The following UVRAG variants were observed in gnomAD, a reference collection of about 807,000 sequenced individuals.
UVRAG encodes UV radiation resistance-associated gene protein.
UVRAG carries 19 observed loss-of-function variants against 78.0 expected under a neutral mutation model. The observed-to-expected ratio is 0.24, with a 90% confidence interval of 0.17 to 0.36. The LOEUF (loss-of-function observed/expected upper bound fraction) is 0.36, where lower values mean the gene tolerates loss of function less well. UVRAG is among the 10% of genes least tolerant of loss of function. The pLI, the probability that UVRAG is intolerant of heterozygous loss-of-function variation, is 1.00. For missense variants in UVRAG, 740 were observed against 853.8 expected, an observed-to-expected ratio of 0.87 and a Z score of 1.66; for synonymous variants, 323 against 324.6, an observed-to-expected ratio of 1.00 and a Z score of 0.05.
At chr11:76,119,359 C>G (rs1393352321) in intron 14 of UVRAG, among the ~76,000 whole-genome samples, 1 of 152,080 alleles carries the variant, frequency 6.6e-6, no homozygotes, top group Non-Finnish European at 1.5e-5. Context: ...CGCCTCCTCT[C>G]TACCCTCTTC....
intron 13 of UVRAG, among the ~76,000 whole-genome samples, chr11:76,103,485 T>TATAGGC (rs1951914552): frequency 6.6e-6 from 1 of 152,118 alleles, no homozygotes; most frequent in Non-Finnish European, 1.5e-5. Context: ...TTATTTACAT[T>TATAGGC]ATTTGAAAAC....
At chr11:75,947,227 C>G in intron 6 of UVRAG, among the ~76,000 whole-genome samples, 1 of 152,186 alleles carries the variant, frequency 6.6e-6, no homozygotes, top group East Asian at 1.9e-4. Flanking sequence ...CCCAGCTAAT[C>G]TCCCTTTTGG....
intron 13 of UVRAG, among the ~76,000 whole-genome samples, chr11:76,078,023 A>G (rs1378421467): frequency 2.0e-5 from 3 of 152,242 alleles, no homozygotes; most frequent in Non-Finnish European, 4.4e-5. Flanking sequence ...ATGTACCTCA[A>G]CTGAAATGAA....
At chr11:75,835,619 T>C (rs1945759259) in intron 1 of UVRAG, among the ~76,000 whole-genome samples, 1 of 152,156 alleles carries the variant, frequency 6.6e-6, no homozygotes, top group African/African-American at 2.4e-5. Context: ...CTTTATAATA[T>C]ATATTTAAAT....
intron 12 of UVRAG, among the ~76,000 whole-genome samples, chr11:76,048,575 C>T (rs529745829): frequency 2.6e-5 from 4 of 152,298 alleles, no homozygotes; most frequent in African/African-American, 9.6e-5. Context: ...AACAAAATGA[C>T]TTAGGGGCCT....
At chr11:75,844,772 C>T (rs1338899240) in intron 1 of UVRAG, among the ~76,000 whole-genome samples, 3 of 151,358 alleles carry the variant, frequency 2.0e-5, no homozygotes, top group African/African-American at 4.8e-5. Flanking sequence ...CATTTGGGCT[C>T]GGGTGATTCT....
intron 13 of UVRAG, among the ~76,000 whole-genome samples, chr11:76,095,219 A>G (rs1319417278): frequency 2.0e-5 from 3 of 152,084 alleles, no homozygotes; most frequent in African/African-American, 4.8e-5. Flanking sequence ...CGGTCTTCCT[A>G]TTCCCCAACT....
chr11:75,927,875 A>G (rs528838649), intron 6 of UVRAG, among the ~76,000 whole-genome samples: 2 of 152,254 alleles, frequency 1.3e-5, no homozygotes, highest in South Asian at 4.1e-4. Flanking sequence ...TTTTCCAAGC[A>G]TGATAAGAAG....
chr11:75,924,656 G>A (rs1284929245), intron 6 of UVRAG, among the ~76,000 whole-genome samples: 2 of 152,116 alleles, frequency 1.3e-5, no homozygotes, highest in African/African-American at 4.8e-5. Flanking sequence ...CCAAAGTGCT[G>A]GGATTACAGG....
At chr11:76,122,062 C>T (rs1952290572) in intron 14 of UVRAG, among the ~76,000 whole-genome samples, 3 of 152,186 alleles carry the variant, frequency 2.0e-5, no homozygotes, top group Non-Finnish European at 2.9e-5. Context: ...ATGGAATATG[C>T]TCCTTGAGCT....
At chr11:75,979,348 G>C (rs545009677) in intron 7 of UVRAG, among the ~76,000 whole-genome samples, 4 of 152,210 alleles carry the variant, frequency 2.6e-5, no homozygotes, top group African/African-American at 9.6e-5. Flanking sequence ...GAGGCAGTCT[G>C]TCCGTTCCCA....
At chr11:76,121,728 C>T (rs573747852) in intron 14 of UVRAG, among the ~76,000 whole-genome samples, 1 of 152,326 alleles carries the variant, frequency 6.6e-6, no homozygotes, top group East Asian at 1.9e-4. Flanking sequence ...TTGTGACCTC[C>T]GTTCTTTACT....
chr11:76,065,942 CT>C (rs1951176581), intron 13 of UVRAG, among the ~76,000 whole-genome samples, 154 bp downstream of exon 13: 1 of 152,166 alleles, frequency 6.6e-6, no homozygotes, highest in Non-Finnish European at 1.5e-5. Context: ...TGATCACAGT[CT>C]TTTTCCGTGC....
At chr11:75,926,804 T>C (rs1359960112) in intron 6 of UVRAG, among the ~76,000 whole-genome samples, 1 of 151,966 alleles carries the variant, frequency 6.6e-6, no homozygotes, top group Non-Finnish European at 1.5e-5. Context: ...AGAATATAAA[T>C]ATCCTAGAGA....
chr11:76,085,702 C>A (rs866419508), intron 13 of UVRAG, among the ~76,000 whole-genome samples: 1 of 152,126 alleles, frequency 6.6e-6, no homozygotes, highest in Non-Finnish European at 1.5e-5. Context: ...ATATATACAT[C>A]TGCTTGTCTG....
intron 6 of UVRAG, among the ~76,000 whole-genome samples, chr11:75,917,975 G>A (rs577729373): frequency 6.6e-6 from 1 of 152,158 alleles, no homozygotes; most frequent in Non-Finnish European, 1.5e-5. Context: ...GTTAGAATTT[G>A]TATTCAAACC....
chr11:76,029,306 A>G (rs1950391632), intron 12 of UVRAG, among the ~76,000 whole-genome samples: 1 of 152,194 alleles, frequency 6.6e-6, no homozygotes, highest in Admixed American at 6.5e-5. Context: ...GCCTGCTAAC[A>G]TAGTATCCAT....
intron 13 of UVRAG, among the ~76,000 whole-genome samples, chr11:76,106,625 C>T (rs925806229): frequency 1.3e-5 from 2 of 152,110 alleles, no homozygotes; most frequent in Non-Finnish European, 1.5e-5. Flanking sequence ...GCCTCGGCCT[C>T]CCAAAGTGCT....
intron 8 of UVRAG, among the ~76,000 whole-genome samples, chr11:76,001,065 A>G (rs753409264): frequency 5.3e-5 from 8 of 152,224 alleles, no homozygotes; most frequent in Non-Finnish European, 1.0e-4. Flanking sequence ...TCAAGTATAC[A>G]TGGAACATTC....
Sources: allele counts gnomAD v4.1 joint callset (sites outside exome capture counted in the v4.1 genomes callset), GRCh38; gene constraint gnomAD v4.1.1; transcripts MANE v1.5; gene names NCBI Gene and HGNC (gene_info 2026-07-23, HGNC 2026-07-21).